The following KALRN variants were observed in gnomAD, a reference collection of about 807,000 sequenced individuals.
The protein encoded by KALRN is kalirin.
KALRN carries 70 observed loss-of-function variants against 353.7 expected under a neutral mutation model. The observed-to-expected ratio is 0.20, with a 90% CI of 0.16 to 0.24. KALRN has a LOEUF of 0.24. KALRN is among the 10% of genes least tolerant of loss of function. The pLI, the probability that KALRN is intolerant of heterozygous loss-of-function variation, is 1.00. For synonymous variants in KALRN, 1,391 were observed against 1,434.8 expected (o/e 0.97, Z 0.69); for missense variants, 2,791 against 3,756.7 (o/e 0.74, Z 6.72).
At position 124,230,882 on chromosome 3, in the gene KALRN, A is replaced by AC. The variant is rs397802948; in HGVS notation, c.148+2819dup. 1.4e-4 allele frequency among the ~76,000 whole-genome samples: 21 copies of AC among 149,460 alleles called. No individual in the cohort carries two copies. In the South Asian group the frequency reaches 2.1e-3, roughly 15 times the overall value. On this transcript the variant is annotated intron_variant, in intron 2 of 59. Coordinates refer to ENST00000682506, the MANE Select transcript of KALRN (RefSeq NM_001388419.1). ...CAAAAAAAAAAAAAACAAAAAAAAA[A>AC]CACCAAACCAACCAACTCTTACATC... is the stretch of plus-strand genomic sequence containing the variant.
chr3:124,224,742 T>A (rs2078293577), intron 1 of KALRN, among the ~76,000 whole-genome samples: 1 of 152,164 alleles, frequency 6.6e-6, no homozygotes, highest in South Asian at 2.1e-4. Context: ...GTGCAATGAA[T>A]CTTGTTAGGG....
chr3:124,060,512 C>G (rs904992610), intron 1 of KALRN, among the ~76,000 whole-genome samples: 2 of 152,214 alleles, frequency 1.3e-5, no homozygotes, highest in African/African-American at 4.8e-5. Context: ...GTGTCTGGCT[C>G]TCTTCTTACC....
In KALRN at chr3:124,312,390, A is replaced by C. The variant is rs562399487; in HGVS notation, c.1092+13477A>C. On this transcript the variant is annotated intron_variant, in intron 6 of 59. Coordinates refer to ENST00000682506, the MANE Select transcript of KALRN (RefSeq NM_001388419.1). ...TGGCCAGGCTGGTCTTGAACTCCTG[A>C]CCTCAGATGATCCACCTGCCTTGGC... 3.3e-5 allele frequency among the ~76,000 whole-genome samples: 5 copies of C among 152,278 alleles called. No homozygotes were observed. The South Asian group carries it at 1.0e-3, about 32-fold the overall frequency.
chr3:124,469,442 T>C (rs2060671438), intron 25 of KALRN, among the ~76,000 whole-genome samples: 1 of 152,214 alleles, frequency 6.6e-6, no homozygotes, highest in Non-Finnish European at 1.5e-5. Context: ...TGACCCTCCA[T>C]TAGTTTAATA....
chr3:124,660,844 T>G lies in KALRN; in HGVS notation c.6217-79T>G. ...GAAAGTCTCCAGGGTGTTATTGTAT[T>G]TTTATGATAAGTTTTTTCCCAGCTA... On this transcript the variant is annotated intron_variant, in intron 43 of 59. Coordinates refer to ENST00000682506, the MANE Select transcript of KALRN (RefSeq NM_001388419.1). 5.0e-6 allele frequency: 5 copies of G among 1,005,936 alleles called. No homozygotes were observed. The South Asian group carries it at 5.1e-5, about 10-fold the overall frequency. The allele number at this position is 1,005,936 out of a possible 1,614,324, so 62.3% of individuals were successfully genotyped here. A position where few individuals can be genotyped will look rare whatever the true frequency, so the allele number is the denominator to read the frequency against.
At chr3:124,413,087 C>T (rs578177638) in intron 13 of KALRN, among the ~76,000 whole-genome samples, 31 of 152,260 alleles carry the variant, frequency 2.0e-4, no homozygotes, top group South Asian at 1.9e-3. Flanking sequence ...GGGTAAATAA[C>T]CCCATCTGTC....
At chr3:124,125,849 T>A (rs1029504864) in intron 1 of KALRN, among the ~76,000 whole-genome samples, 1 of 152,174 alleles carries the variant, frequency 6.6e-6, no homozygotes, top group Non-Finnish European at 1.5e-5. Context: ...CATCAGATGC[T>A]CTGCTTAATT....
chr3:124,655,558 A>G, intron 38 of KALRN, 43 bp from the exon 39 acceptor site: 2 of 1,548,302 alleles, frequency 1.3e-6, no homozygotes, highest in Non-Finnish European at 1.8e-6. Context: ...TTTTTGGCTT[A>G]ACAATGAAGA....
intron 1 of KALRN, among the ~76,000 whole-genome samples, chr3:124,105,629 G>A (rs2062232715): frequency 6.6e-6 from 1 of 152,170 alleles, no homozygotes; most frequent in Non-Finnish European, 1.5e-5. Flanking sequence ...AGGAGGCAAT[G>A]TTGAGGGCTT....
chr3:124,474,578 G>A (rs1561062327), intron 25 of KALRN, 85 bp from the exon 26 acceptor site: 11 of 1,022,588 alleles, frequency 1.1e-5, no homozygotes, highest in Non-Finnish European at 1.5e-5. Context: ...TAATTGAGAA[G>A]TTATGGTTGT....
intron 5 of KALRN, among the ~76,000 whole-genome samples, chr3:124,277,907 A>G (rs1217540078): frequency 6.6e-6 from 1 of 152,154 alleles, no homozygotes; most frequent in Non-Finnish European, 1.5e-5. Context: ...CTGTGTTAAC[A>G]GTACTTTCCA....
chr3:124,596,701 T>C (rs2076297387), intron 34 of KALRN, among the ~76,000 whole-genome samples: 1 of 152,186 alleles, frequency 6.6e-6, no homozygotes, highest in Admixed American at 6.5e-5. Flanking sequence ...TGTAAATCAC[T>C]TGCACCTGGC....
intron 1 of KALRN, among the ~76,000 whole-genome samples, chr3:124,212,587 G>A (rs2076992450): frequency 6.6e-6 from 1 of 152,086 alleles, no homozygotes; most frequent in Non-Finnish European, 1.5e-5. Context: ...CCCCTTGTTT[G>A]CAAATATCTG....
rs78887093 is a variant in KALRN at position 124,400,188 on chromosome 3, T to C, written c.2346+1317T>C. 0.011 allele frequency among the ~76,000 whole-genome samples: 1,729 copies of C among 152,270 alleles called. 58 individuals are homozygous for C. In the East Asian group the frequency reaches 0.12, roughly 11 times the overall value. ...AATATCCCATCCTAATCCAACTCAG[T>C]ACAAGAGACTATCTTGGGAACAGCT... On this transcript the variant is annotated intron_variant, in intron 13 of 59. Coordinates refer to ENST00000682506, the MANE Select transcript of KALRN (RefSeq NM_001388419.1).
Position 124,507,284 on chromosome 3 carries a change from G to T in KALRN, c.4935+10871G>T, listed in dbSNP as rs571505637. ...TCCACACAGTCTCTTAAAGGGGAAT[G>T]CTTACTGCATTAATTTAAAAAATTC... On this transcript the variant is annotated intron_variant, in intron 33 of 59. Coordinates refer to ENST00000682506, the MANE Select transcript of KALRN (RefSeq NM_001388419.1). Among the ~76,000 whole-genome samples, 2 of 152,238 alleles carry T rather than the reference G, an allele frequency of 1.3e-5. 1 individual carries two copies. The highest frequency in any genetic ancestry group is 4.8e-5 in the African/African-American group (2 of 41,538).
chr3:124,674,248 G>A (rs533373767), intron 48 of KALRN, 116 bp from the exon 49 acceptor site: 2 of 976,532 alleles, frequency 2.0e-6, no homozygotes, highest in South Asian at 3.5e-5. Context: ...AATGCTGCCT[G>A]CTGCCTACCC....
At chr3:124,386,716 G>A (rs963337636) in intron 11 of KALRN, among the ~76,000 whole-genome samples, 7 of 151,988 alleles carry the variant, frequency 4.6e-5, no homozygotes, top group Non-Finnish European at 8.8e-5. Flanking sequence ...TTTGCTATTG[G>A]TAGTGATAAT....
intron 34 of KALRN, among the ~76,000 whole-genome samples, chr3:124,569,307 C>G (rs1169731265): frequency 6.6e-6 from 1 of 152,166 alleles, no homozygotes; most frequent in Non-Finnish European, 1.5e-5. Flanking sequence ...GCCTCAGGAA[C>G]AGCTTCCCCA....
At position 124,719,005 on chromosome 3, in the gene KALRN, G is replaced by A. The variant is rs542839206; in HGVS notation, c.8496G>A (p.Ser2832=). 18 of 1,614,132 alleles carry A rather than the reference G, an allele frequency of 1.1e-5. No individual in the cohort carries two copies. The highest frequency in any genetic ancestry group is 4.0e-5 in the African/African-American group (3 of 75,022). ...LIDLEDAVQI[S]GHFHIHHLLG... is the part of the protein sequence containing the mutation. ...ACTTGGAGGATGCTGTCCAGATCTC[G>A]GGTCACTTCCACATTCACCACCTGC... Residue 2832 remains serine, a synonymous_variant, in exon 60 of 60, where the codon TCG becomes TCA. Coordinates refer to ENST00000682506, the MANE Select transcript of KALRN (RefSeq NM_001388419.1). The surrounding 1 kb of genome is among the most constrained non-coding windows in gnomAD (Gnocchi z 5.3).
Sources: allele counts gnomAD v4.1 joint callset (sites outside exome capture counted in the v4.1 genomes callset), GRCh38; gene constraint gnomAD v4.1.1; non-coding constraint Gnocchi (gnomAD v3.1); transcripts MANE v1.5; gene names NCBI Gene and HGNC (gene_info 2026-07-23, HGNC 2026-07-21).